The following ITIH5 variants were observed in gnomAD, a reference collection of about 807,000 sequenced individuals.
The protein encoded by ITIH5 is inter-alpha-trypsin inhibitor heavy chain 5.
In ITIH5, 65 loss-of-function variants were observed where a neutral mutation model predicts 77.5. The ratio of observed to expected loss-of-function variants is 0.84; its 90% CI spans 0.69 to 1.03. The LOEUF is 1.03. ITIH5 is among the 50% of genes least tolerant of loss of function. The pLI, the probability that ITIH5 is intolerant of heterozygous loss-of-function variation, is 0.00. For missense variants in ITIH5, 1,208 were observed against 1,213.1 expected (o/e 1.00, Z 0.06); for synonymous variants, 525 against 494.3 (o/e 1.06, Z -0.82).
intron 1 of ITIH5, among the ~76,000 whole-genome samples, chr10:7,665,316 C>T (rs1195399232): frequency 6.6e-6 from 1 of 152,108 alleles, no homozygotes; most frequent in African/African-American, 2.4e-5. Flanking sequence ...TCTCCACACC[C>T]CCAAAAAAGT....
chr10:7,659,453 G>A (rs1241035623), intron 1 of ITIH5, among the ~76,000 whole-genome samples: 1 of 152,102 alleles, frequency 6.6e-6, no homozygotes, highest in East Asian at 1.9e-4. Flanking sequence ...AAGAGACTGT[G>A]AAAGGAAGGC....
chr10:7,640,413 G>T (rs1833865640), intron 4 of ITIH5, among the ~76,000 whole-genome samples: 1 of 150,966 alleles, frequency 6.6e-6, no homozygotes, highest in Middle Eastern at 3.4e-3. Flanking sequence ...GGAGGTTGAG[G>T]CTGCAGTGAG....
chr10:7,617,776 GTT>G (rs1833398773), intron 5 of ITIH5: 1 of 152,118 alleles, frequency 6.6e-6, no homozygotes, highest in Non-Finnish European at 1.5e-5. Flanking sequence ...CTAATTCTCA[GTT>G]TGTATTTAAA....
At chr10:7,582,207 A>C (rs1832580095) in intron 8 of ITIH5, among the ~76,000 whole-genome samples, 2 of 152,270 alleles carry the variant, frequency 1.3e-5, no homozygotes, top group South Asian at 4.1e-4. Flanking sequence ...TTTATGATTA[A>C]AATAAATCAG....
Position 7,666,924 on chromosome 10 carries a change from C to A in ITIH5, c.-32G>T, listed in dbSNP as rs552974239. On this transcript the variant is annotated 5_prime_UTR_variant, in exon 1 of 14. Transcript: ENST00000397146. ...GCGAGGGCGCGGGACGCTCGGGGAC[C>A]CGGCGGGACACGCTTTGCAGCGCCC... 2 of 1,550,364 alleles carry A rather than the reference C, an allele frequency of 1.3e-6. No homozygotes were observed. Among genetic ancestry groups the A allele is most frequent in the South Asian group, 2.3e-5 (2 of 85,814 alleles).
chr10:7,631,869 C>T (rs1369100592), intron 5 of ITIH5, among the ~76,000 whole-genome samples: 4 of 151,916 alleles, frequency 2.6e-5, no homozygotes, highest in African/African-American at 9.7e-5. Context: ...TCGCTGCAGC[C>T]TCCGCCTCCC....
chr10:7,660,196 G>A (rs1006498958), intron 1 of ITIH5, among the ~76,000 whole-genome samples: 10 of 152,106 alleles, frequency 6.6e-5, no homozygotes, highest in Non-Finnish European at 1.2e-4. Context: ...ATATGCTCAC[G>A]AAAGCACAAT....
intron 5 of ITIH5, chr10:7,619,250 C>G (rs891166025): frequency 1.3e-5 from 2 of 152,298 alleles, no homozygotes; most frequent in African/African-American, 4.8e-5. Flanking sequence ...TTAAAGCACC[C>G]AGAGTGACAG....
chr10:7,588,973 C>T (rs976987539), intron 7 of ITIH5, among the ~76,000 whole-genome samples: 3 of 152,244 alleles, frequency 2.0e-5, no homozygotes, highest in African/African-American at 4.8e-5. Flanking sequence ...CGTGCACCAA[C>T]GGCAGCAGAA....
chr10:7,637,687 A>G (rs889568612), intron 4 of ITIH5, among the ~76,000 whole-genome samples: 2 of 152,210 alleles, frequency 1.3e-5, no homozygotes, highest in Non-Finnish European at 1.5e-5. Flanking sequence ...GAAGGGTCAA[A>G]GAATACCGAC....
intron 4 of ITIH5, among the ~76,000 whole-genome samples, chr10:7,639,350 A>G (rs565440504): frequency 4.6e-5 from 7 of 152,354 alleles, no homozygotes; most frequent in African/African-American, 7.2e-5. Context: ...AAGATTCTCT[A>G]TGTCTTTAGA....
chr10:7,622,797 C>T (rs778633075), intron 5 of ITIH5, among the ~76,000 whole-genome samples: 1 of 152,120 alleles, frequency 6.6e-6, no homozygotes, highest in Admixed American at 6.5e-5. Flanking sequence ...GAATTTTGCA[C>T]GTAAGCGTAA....
At chr10:7,570,669 C>T (rs1832278816) in intron 11 of ITIH5, among the ~76,000 whole-genome samples, 1 of 152,216 alleles carries the variant, frequency 6.6e-6, no homozygotes, top group Non-Finnish European at 1.5e-5. Context: ...GTTGACCAGG[C>T]TGGAGTACAG....
chr10:7,653,665 A>C (rs1009028144), intron 2 of ITIH5, among the ~76,000 whole-genome samples: 1 of 152,234 alleles, frequency 6.6e-6, no homozygotes. Flanking sequence ...TTAGTAAATT[A>C]TAATACATAT....
chr10:7,662,537 C>T (rs574293134), intron 1 of ITIH5, among the ~76,000 whole-genome samples: 2 of 152,334 alleles, frequency 1.3e-5, no homozygotes, highest in East Asian at 3.9e-4. Flanking sequence ...CCAGAAACAC[C>T]CGGCTGGCAT....
intron 12 of ITIH5, among the ~76,000 whole-genome samples, chr10:7,567,981 T>C (rs1480924069): frequency 6.6e-6 from 1 of 152,220 alleles, no homozygotes; most frequent in African/African-American, 2.4e-5. Flanking sequence ...TGTGTGTAAG[T>C]TGTAAACTGC....
intron 13 of ITIH5, among the ~76,000 whole-genome samples, chr10:7,564,629 G>GT (rs1342195656): frequency 4.6e-5 from 7 of 151,988 alleles, no homozygotes; most frequent in Non-Finnish European, 1.0e-4. Context: ...AGAGAGGTTT[G>GT]TGTAAGGATA....
At chr10:7,568,211 T>C (rs530215931) in intron 12 of ITIH5, among the ~76,000 whole-genome samples, 3 of 152,294 alleles carry the variant, frequency 2.0e-5, no homozygotes, top group Non-Finnish European at 2.9e-5. Context: ...TAAGAAAAGA[T>C]TGCTATATAA....
rs374446986 is a variant in ITIH5 at position 7,644,887 on chromosome 10, CAT to C, written c.136-2799_136-2798del. 7.1e-3 allele frequency among the ~76,000 whole-genome samples: 668 copies of C among 93,562 alleles called. 19 individuals are homozygous for C. Among genetic ancestry groups the C allele is most frequent in the South Asian group, 0.041 (100 of 2,428 alleles). The allele number at this position is 93,562 out of a possible 152,430, so 61.4% of individuals were successfully genotyped here. ...ACATATATATCACATATATATATCA[CAT>C]ATATATATCACATATATATATCACA... On this transcript the variant is annotated intron_variant, in intron 2 of 13. Coordinates refer to ENST00000397146, the MANE Select transcript of ITIH5 (RefSeq NM_030569.7).
Sources: allele counts gnomAD v4.1 joint callset (sites outside exome capture counted in the v4.1 genomes callset), GRCh38; gene constraint gnomAD v4.1.1; transcripts MANE v1.5; gene names NCBI Gene and HGNC (gene_info 2026-07-23, HGNC 2026-07-21).